MBNL1: variants seen among roughly 807,000 people sequenced by gnomAD.
MBNL1 encodes muscleblind like splicing regulator 1.
MBNL1 carries 8 observed loss-of-function variants against 42.2 expected under a neutral mutation model. The observed-to-expected ratio is 0.19, with a 90% CI of 0.11 to 0.34. MBNL1 has a LOEUF of 0.34. MBNL1 is among the 10% of genes least tolerant of loss of function. The pLI is 1.00. For missense variants in MBNL1, 309 were observed against 495.3 expected (o/e 0.62, Z 3.57); for synonymous variants, 169 against 173.9 (o/e 0.97, Z 0.22).
At chr3:152,415,867 A>T (rs1485431466) in intron 3 of MBNL1, among the ~76,000 whole-genome samples, 1 of 152,224 alleles carries the variant, frequency 6.6e-6, no homozygotes, top group Non-Finnish European at 1.5e-5. Context: ...ATCTCTATTC[A>T]TATTTATTCA....
At chr3:152,295,691 A>G (rs779493016) in intron 1 of MBNL1, among the ~76,000 whole-genome samples, 3 of 152,208 alleles carry the variant, frequency 2.0e-5, no homozygotes, top group African/African-American at 7.2e-5. Context: ...TAGTTGACCC[A>G]GTCCTATAGA....
At chr3:152,316,443 A>G (rs1041332946) in intron 2 of MBNL1, among the ~76,000 whole-genome samples, 1 of 152,184 alleles carries the variant, frequency 6.6e-6, no homozygotes, top group African/African-American at 2.4e-5. Flanking sequence ...AACAGCTTGC[A>G]TGGCATGCCC....
In MBNL1 at chr3:152,463,836, A is replaced by C. The variant is rs1748879181; in HGVS notation, c.*1470A>C. 2 of 152,548 alleles carry C rather than the reference A, an allele frequency of 1.3e-5. No homozygotes were observed. Among genetic ancestry groups the C allele is most frequent in the Non-Finnish European group, 2.9e-5 (2 of 67,960 alleles). The allele number at this position is 152,548 out of a possible 1,614,324, so 9.4% of individuals were successfully genotyped here. A position where few individuals can be genotyped will look rare whatever the true frequency, so the allele number is the denominator to read the frequency against. ...AAATTGCTGAAGTAGGGGCCAGGTCACTGGTAGTTATAGTATGGAATGGGA... is the reference window on the plus strand; with the variant it reads ...AAATTGCTGAAGTAGGGGCCAGGTCCCTGGTAGTTATAGTATGGAATGGGA... On this transcript the variant is annotated 3_prime_UTR_variant, in exon 10 of 10. Transcript: ENST00000324210.
intron 4 of MBNL1, among the ~76,000 whole-genome samples, chr3:152,433,370 T>A (rs2099032109): frequency 6.6e-6 from 1 of 152,198 alleles, no homozygotes; most frequent in African/African-American, 2.4e-5. Context: ...ATAAAACATT[T>A]TACAATTTAT....
At chr3:152,268,029 G>A (rs1360724684), upstream of MBNL1, 1 of 152,154 alleles carries the variant, frequency 6.6e-6, no homozygotes, top group Admixed American at 6.5e-5. Flanking sequence ...TCCATTCAAA[G>A]CAAAGCCAAG....
chr3:152,349,640 C>T (rs1033095027), intron 2 of MBNL1, among the ~76,000 whole-genome samples: 5 of 151,972 alleles, frequency 3.3e-5, no homozygotes, highest in African/African-American at 1.2e-4. Context: ...TATTTAGTTC[C>T]TTTTTTTCAT....
At chr3:152,359,836 A>G (rs2055355) in intron 2 of MBNL1, among the ~76,000 whole-genome samples, 40,338 of 152,104 alleles carry the variant, frequency 0.27, 5,440 homozygotes, top group Admixed American at 0.31. Flanking sequence ...TTCAGACATT[A>G]GGTAAATCAT....
intron 9 of MBNL1, among the ~76,000 whole-genome samples, chr3:152,461,922 T>C (rs1033613533): frequency 3.3e-5 from 5 of 152,170 alleles, no homozygotes; most frequent in African/African-American, 4.8e-5. Context: ...TCTTTTTTTT[T>C]CAAACATGCA....
At chr3:152,288,503 C>G (rs979817196) in intron 1 of MBNL1, among the ~76,000 whole-genome samples, 6 of 152,096 alleles carry the variant, frequency 3.9e-5, no homozygotes, top group Non-Finnish European at 7.4e-5. Context: ...TGTCAGAAAC[C>G]ATTTCCTTTA....
At chr3:152,397,041 A>G (rs950731473) in intron 2 of MBNL1, among the ~76,000 whole-genome samples, 1 of 152,192 alleles carries the variant, frequency 6.6e-6, no homozygotes, top group Non-Finnish European at 1.5e-5. Flanking sequence ...GGACAATACA[A>G]AGAGAAAATA....
At chr3:152,294,343 G>T (rs186012370) in intron 1 of MBNL1, among the ~76,000 whole-genome samples, 1 of 149,734 alleles carries the variant, frequency 6.7e-6, no homozygotes, top group East Asian at 1.9e-4. Context: ...GAGTGCAGTG[G>T]TGTGATCTCG....
intron 2 of MBNL1, among the ~76,000 whole-genome samples, chr3:152,380,966 G>A (rs1209892366): frequency 1.3e-5 from 2 of 151,900 alleles, no homozygotes; most frequent in African/African-American, 4.8e-5. Context: ...TAATATTTGA[G>A]AAACACACAG....
At chr3:152,401,517 A>G (rs2098216795) in intron 2 of MBNL1, among the ~76,000 whole-genome samples, 1 of 152,148 alleles carries the variant, frequency 6.6e-6, no homozygotes, top group African/African-American at 2.4e-5. Flanking sequence ...GCTTTGTCAC[A>G]GCTACTCTAG....
chr3:152,339,843 A>ATTTTATT (rs2092646816), intron 2 of MBNL1: 1 of 152,142 alleles, frequency 6.6e-6, no homozygotes, highest in Non-Finnish European at 1.5e-5. Context: ...ATTTCATTTA[A>ATTTTATT]CATAATTTCA....
In MBNL1 at chr3:152,411,071, T is replaced by C. The variant is rs540005797; in HGVS notation, c.175-3870T>C. 1.4e-4 allele frequency among the ~76,000 whole-genome samples: 22 copies of C among 152,374 alleles called. No homozygotes were observed. The South Asian group carries it at 4.6e-3, about 32-fold the overall frequency. On this transcript the variant is annotated intron_variant, in intron 2 of 9. Transcript: ENST00000324210. ...TTCATACATCACCAATGAGATGTTA[T>C]TGTTACTATTATATAGAAAAGATGT...
At chr3:152,406,110 T>G (rs750986169) in intron 2 of MBNL1, among the ~76,000 whole-genome samples, 9 of 152,306 alleles carry the variant, frequency 5.9e-5, no homozygotes, top group East Asian at 1.9e-4. Flanking sequence ...GAGACTCTGG[T>G]TTGGCTCAGG....
intron 2 of MBNL1, among the ~76,000 whole-genome samples, chr3:152,332,756 A>G (rs1295424501): frequency 6.8e-6 from 1 of 147,066 alleles, no homozygotes; most frequent in Non-Finnish European, 1.5e-5. Flanking sequence ...GCGCATGCGC[A>G]CACACTAGTT....
intron 4 of MBNL1, among the ~76,000 whole-genome samples, chr3:152,438,524 A>G (rs2099107994): frequency 6.6e-6 from 1 of 152,226 alleles, no homozygotes; most frequent in Non-Finnish European, 1.5e-5. Flanking sequence ...TCAGCTATAA[A>G]ATACAGCATC....
At chr3:152,442,878 C>A (rs1024676872) in intron 4 of MBNL1, among the ~76,000 whole-genome samples, 2 of 152,100 alleles carry the variant, frequency 1.3e-5, no homozygotes, top group Non-Finnish European at 2.9e-5. Flanking sequence ...ATTTTCTCTT[C>A]CTTATTTTTT....
Sources: allele counts gnomAD v4.1 joint callset (sites outside exome capture counted in the v4.1 genomes callset), GRCh38; gene constraint gnomAD v4.1.1; transcripts MANE v1.5; gene names NCBI Gene and HGNC (gene_info 2026-07-23, HGNC 2026-07-21).